LPIN2: variants seen among roughly 807,000 people sequenced by gnomAD.
LPIN2 encodes the protein lipin 2, also known as phosphatidate phosphatase LPIN2.
In LPIN2, 55 loss-of-function variants were observed where a neutral mutation model predicts 111.4. The observed-to-expected ratio is 0.49, with a 90% confidence interval of 0.40 to 0.62. The LOEUF is 0.62. Among genes scored for constraint, LPIN2 ranks in the 20% least tolerant of loss-of-function variants. The pLI is 0.00. For synonymous variants in LPIN2, 425 were observed against 414.0 expected, an observed-to-expected ratio of 1.03 and a Z score of -0.32; for missense variants, 992 against 1,112.1, an observed-to-expected ratio of 0.89 and a Z score of 1.54.
At position 2,988,012 on chromosome 18, in the gene LPIN2, C is replaced by CAAAAAAAAA. The variant is rs761121515; in HGVS notation, c.-10+25066_-10+25074dup. Among the ~76,000 whole-genome samples, 91 of 32,346 alleles carry CAAAAAAAAA rather than the reference C, an allele frequency of 2.8e-3. 2 individuals are homozygous for CAAAAAAAAA. The highest frequency in any genetic ancestry group is 4.9e-3 in the Non-Finnish European group (77 of 15,606). The allele number at this position is 32,346 out of a possible 152,430, so 21.2% of individuals were successfully genotyped here. ...TGGGCGACAGAGTGAGAGACTGTCT[C>CAAAAAAAAA]AAAAAAAAAAAAAAAAAAAAAAAAA... On this transcript the variant is annotated intron_variant, in intron 1 of 19. Coordinates refer to ENST00000677752, the MANE Select transcript of LPIN2 (RefSeq NM_001375808.2).
intron 1 of LPIN2, among the ~76,000 whole-genome samples, chr18:3,005,999 A>C (rs2078509826): frequency 6.6e-6 from 1 of 152,194 alleles, no homozygotes; most frequent in South Asian, 2.1e-4. Flanking sequence ...CAATGTGGGG[A>C]GGCAGGTCAT....
chr18:3,008,862 C>T (rs1364300869), intron 1 of LPIN2, among the ~76,000 whole-genome samples: 1 of 151,456 alleles, frequency 6.6e-6, no homozygotes, highest in Non-Finnish European at 1.5e-5. Context: ...CACAGGTGCC[C>T]GCACTACCAC....
chr18:2,927,944 G>A (rs1452853646), intron 11 of LPIN2, 133 bp from the exon 12 acceptor site: 6 of 779,432 alleles, frequency 7.7e-6, no homozygotes, highest in Non-Finnish European at 1.2e-5. Flanking sequence ...ACACCTCCCA[G>A]ATTCCTCTAG....
At chr18:2,942,505 T>G (rs1322326631) in intron 4 of LPIN2, among the ~76,000 whole-genome samples, 1 of 152,222 alleles carries the variant, frequency 6.6e-6, no homozygotes, top group African/African-American at 2.4e-5. Flanking sequence ...TATTTTACTT[T>G]TGGGACATAT....
intron 2 of LPIN2, among the ~76,000 whole-genome samples, chr18:2,959,598 CT>C (rs2077675881): frequency 6.6e-6 from 1 of 152,174 alleles, no homozygotes; most frequent in Non-Finnish European, 1.5e-5. Context: ...ATTACTAGCT[CT>C]GTTTTCTAAT....
At chr18:2,922,241 A>C (rs2077066145) in intron 16 of LPIN2, 42 bp from the exon 17 acceptor site, 1 of 1,598,170 alleles carries the variant, frequency 6.3e-7, no homozygotes, top group Non-Finnish European at 8.5e-7. Flanking sequence ...GTTCTGGCTA[A>C]GGGAAAAGAA....
chr18:2,936,676 C>A (rs952347499), intron 7 of LPIN2, among the ~76,000 whole-genome samples: 2 of 152,190 alleles, frequency 1.3e-5, no homozygotes, highest in Non-Finnish European at 2.9e-5. Context: ...TGCCCCAGGG[C>A]TCAAGCGATC....
At position 2,995,233 on chromosome 18, in the gene LPIN2, A is replaced by C. The variant is rs989509125; in HGVS notation, c.-10+17854T>G. Among the ~76,000 whole-genome samples, 3 of 152,352 alleles carry C rather than the reference A, an allele frequency of 2.0e-5. No homozygotes were observed. The East Asian group carries it at 5.8e-4, about 29-fold the overall frequency. On this transcript the variant is annotated intron_variant, in intron 1 of 19. Coordinates refer to ENST00000677752, the MANE Select transcript of LPIN2 (RefSeq NM_001375808.2). ...AGTAAGTGCTTAGCAGATGACTGTT[A>C]GGATAGGATTCTAGCCATCAAGGAG...
At chr18:2,982,864 C>A in intron 1 of LPIN2, 2 of 449,244 alleles carry the variant, frequency 4.5e-6, no homozygotes, top group East Asian at 7.8e-5. Flanking sequence ...AAACTGCTTG[C>A]AGACACAGTT....
chr18:2,927,640 G>A, intron 12 of LPIN2, 82 bp downstream of exon 12: 1 of 1,476,366 alleles, frequency 6.8e-7, no homozygotes, highest in Non-Finnish European at 9.5e-7. Context: ...CCAAATTCCT[G>A]TGCCTGACAA....
intron 10 of LPIN2, 31 bp from the exon 11 acceptor site, chr18:2,928,691 T>C: frequency 6.4e-7 from 1 of 1,573,012 alleles, no homozygotes; most frequent in Non-Finnish European, 8.8e-7. Context: ...GCAAAACCAT[T>C]ACACAGTGAA....
chr18:2,928,530 T>A, intron 11 of LPIN2, 61 bp downstream of exon 11: 1 of 1,469,646 alleles, frequency 6.8e-7, no homozygotes, highest in Non-Finnish European at 9.5e-7. Flanking sequence ...CATATGGATT[T>A]GTGTAAGTAC....
At chr18:3,008,695 T>C (rs2078553970) in intron 1 of LPIN2, among the ~76,000 whole-genome samples, 3 of 152,074 alleles carry the variant, frequency 2.0e-5, no homozygotes, top group Admixed American at 2.0e-4. Context: ...CCTAGATCCT[T>C]CCTTCCTTCC....
At chr18:2,947,767 G>A (rs541122908) in intron 4 of LPIN2, among the ~76,000 whole-genome samples, 25 of 152,258 alleles carry the variant, frequency 1.6e-4, no homozygotes, top group South Asian at 2.1e-4. Flanking sequence ...TGCAAATTCC[G>A]CAACGCCACG....
intron 1 of LPIN2, among the ~76,000 whole-genome samples, chr18:3,011,302 T>G (rs944054608): frequency 6.6e-6 from 1 of 152,190 alleles, no homozygotes; most frequent in African/African-American, 2.4e-5. Context: ...GCCTATTGAC[T>G]CTCGACTGTG....
chr18:2,939,613 G>T lies in LPIN2; in HGVS notation c.699-10C>A. ...TGTCTGGGGATAGGTGCTGCAAAGA[G>T]AACAAAGACACACGATGACTTGAAA... On this transcript the variant is annotated splice_polypyrimidine_tract_variant and intron_variant, in intron 5 of 19. Coordinates refer to ENST00000677752, the MANE Select transcript of LPIN2 (RefSeq NM_001375808.2). 6.2e-7 allele frequency: 1 copy of T among 1,612,538 alleles called. No homozygotes were observed. The highest frequency in any genetic ancestry group is 8.5e-7 in the Non-Finnish European group (1 of 1,179,552).
In LPIN2 at chr18:2,931,298, A is replaced by G; in HGVS notation, c.1414T>C (p.Ser472Pro). 6.2e-7 allele frequency: 1 copy of G among 1,614,194 alleles called. No individual in the cohort carries two copies. Among genetic ancestry groups the G allele is most frequent in the Non-Finnish European group, 8.5e-7 (1 of 1,180,036 alleles). The change falls in exon 9 of 20, where the codon TCC (serine) becomes CCC (proline). Residue 472 changes from serine to proline, a missense_variant. By Grantham distance (74) the Ser-to-Pro change is moderately conservative (BLOSUM62 -1). Around this residue, in one of 4 missense-constraint regions of LPIN2, gnomAD observed 709 missense variants for 753.2 expected, o/e 0.94. Transcript: ENST00000677752. The stretch of plus-strand genomic sequence containing the variant: ...TTTTCACTGAGGCCCCCGCAAAGGG[A>G]GAGGGTAACGTCAGGCAAGTCCATG... ...SAMDLPDVTL[S>P]LCGGLSENGE...
intron 1 of LPIN2, among the ~76,000 whole-genome samples, chr18:2,999,840 A>G (rs1205749830): frequency 6.6e-6 from 1 of 152,046 alleles, no homozygotes; most frequent in East Asian, 1.9e-4. Context: ...ATTCTATAGA[A>G]GGGTTGGAGA....
chr18:2,968,741 C>G (rs573341239), intron 1 of LPIN2, among the ~76,000 whole-genome samples: 1 of 152,252 alleles, frequency 6.6e-6, no homozygotes, highest in Admixed American at 6.5e-5. Context: ...GTTTGAGGGA[C>G]AAGAGTGAGA....
Sources: gnomAD v4.1 joint callset for allele counts (sites outside exome capture counted in the v4.1 genomes callset) on GRCh38, gnomAD v4.1.1 for gene constraint, gnomAD v4.1.1 regional missense constraint, MANE v1.5 for transcripts, NCBI Gene and HGNC (gene_info 2026-07-23, HGNC 2026-07-21) for gene names.